The following SLC4A10 variants were observed in gnomAD, a reference collection of about 807,000 sequenced individuals.
The protein encoded by SLC4A10 is sodium-driven chloride bicarbonate exchanger.
In SLC4A10, 42 loss-of-function variants were observed where a neutral mutation model predicts 137.7. The ratio of observed to expected loss-of-function variants is 0.30; its 90% confidence interval spans 0.24 to 0.39. The LOEUF is 0.39. Ranked by LOEUF, SLC4A10 falls within the 10% of genes least tolerant of loss-of-function variation. SLC4A10 has a pLI of 1.00. For synonymous variants in SLC4A10, 474 were observed against 464.1 expected (o/e 1.02, Z -0.27); for missense variants, 925 against 1,355.0 (o/e 0.68, Z 4.98).
intron 1 of SLC4A10, among the ~76,000 whole-genome samples, chr2:161,648,373 A>T (rs2036346965): frequency 6.6e-6 from 1 of 152,210 alleles, no homozygotes; most frequent in South Asian, 2.1e-4. Flanking sequence ...TTGAGTGTTA[A>T]GGACTTGGCT....
intron 15 of SLC4A10, among the ~76,000 whole-genome samples, chr2:161,909,031 A>G (rs1014754393): frequency 3.3e-4 from 45 of 136,734 alleles, no homozygotes; most frequent in African/African-American, 9.1e-4. Flanking sequence ...GAATTGAACA[A>G]TGAGAACACA....
intron 1 of SLC4A10, among the ~76,000 whole-genome samples, chr2:161,741,328 C>T (rs1477155927): frequency 6.7e-6 from 1 of 148,720 alleles, no homozygotes; most frequent in African/African-American, 2.4e-5. Flanking sequence ...TCGAAGGCTC[C>T]GCTAAAAAAA....
At chr2:161,675,887 A>G (rs2040227544) in intron 1 of SLC4A10, among the ~76,000 whole-genome samples, 1 of 152,206 alleles carries the variant, frequency 6.6e-6, no homozygotes, top group Non-Finnish European at 1.5e-5. Flanking sequence ...TTGTTCCTCT[A>G]TGCCTATTTT....
chr2:161,795,251 A>C (rs1482670082), intron 2 of SLC4A10, among the ~76,000 whole-genome samples: 2 of 152,116 alleles, frequency 1.3e-5, no homozygotes, highest in African/African-American at 4.8e-5. Flanking sequence ...AAAAGGCTTT[A>C]GATTCATTTA....
At chr2:161,799,047 A>G (rs989737915) in intron 2 of SLC4A10, among the ~76,000 whole-genome samples, 2 of 151,402 alleles carry the variant, frequency 1.3e-5, no homozygotes, top group African/African-American at 2.4e-5. Flanking sequence ...TTTTCTTTTA[A>G]TGATACTGTT....
chr2:161,910,961 T>C (rs1044101821), intron 15 of SLC4A10, among the ~76,000 whole-genome samples: 1 of 151,946 alleles, frequency 6.6e-6, no homozygotes, highest in Non-Finnish European at 1.5e-5. Context: ...ATTGTAAATA[T>C]GTAAATAAAC....
chr2:161,686,067 A>G (rs1182751641), intron 1 of SLC4A10, among the ~76,000 whole-genome samples: 1 of 152,224 alleles, frequency 6.6e-6, no homozygotes, highest in Non-Finnish European at 1.5e-5. Flanking sequence ...AAAATCAGGT[A>G]GAAGCTGAGT....
chr2:161,707,520 G>A (rs985719284), intron 1 of SLC4A10, among the ~76,000 whole-genome samples: 16 of 150,078 alleles, frequency 1.1e-4, no homozygotes, highest in African/African-American at 3.9e-4. Context: ...TTTGTCACAC[G>A]GTAAAGAGAA....
intron 1 of SLC4A10, among the ~76,000 whole-genome samples, chr2:161,688,814 C>T (rs2041694601): frequency 6.6e-6 from 1 of 151,970 alleles, no homozygotes; most frequent in African/African-American, 2.4e-5. Flanking sequence ...TGGTCATGTG[C>T]CATATAACAA....
rs1295807077 is a variant in SLC4A10 at position 161,659,696 on chromosome 2, ACCTGTAGAAG to A, written c.48+35131_48+35140del. Among the ~76,000 whole-genome samples, 6 of 152,326 alleles carry A rather than the reference ACCTGTAGAAG, an allele frequency of 3.9e-5. No individual in the cohort carries two copies. The East Asian group carries it at 9.6e-4, about 24-fold the overall frequency. On this transcript the variant is annotated intron_variant, in intron 1 of 26. Coordinates refer to ENST00000446997, the MANE Select transcript of SLC4A10 (RefSeq NM_001178015.2). ...AAGGAAAACATATGTCCACAGAAAA[ACCTGTAGAAG>A]AATGTTCATAAGAACATTTATAATA...
At chr2:161,795,228 T>C (rs972386701) in intron 2 of SLC4A10, among the ~76,000 whole-genome samples, 1 of 152,094 alleles carries the variant, frequency 6.6e-6, no homozygotes, top group Non-Finnish European at 1.5e-5. Flanking sequence ...TACTCCAGCT[T>C]GTAGTGCTGT....
At chr2:161,845,289 T>A (rs1176422169) in intron 4 of SLC4A10, among the ~76,000 whole-genome samples, 1 of 152,146 alleles carries the variant, frequency 6.6e-6, no homozygotes, top group African/African-American at 2.4e-5. Flanking sequence ...CATTTAAATA[T>A]CTCTTAAAGA....
At chr2:161,779,172 G>T (rs1458428905) in intron 2 of SLC4A10, among the ~76,000 whole-genome samples, 1 of 151,914 alleles carries the variant, frequency 6.6e-6, no homozygotes, top group African/African-American at 2.4e-5. Context: ...ATAACAACCT[G>T]CTCTTGAGGG....
chr2:161,934,892 T>C (rs2105686309), intron 15 of SLC4A10, among the ~76,000 whole-genome samples: 1 of 152,324 alleles, frequency 6.6e-6, no homozygotes, highest in South Asian at 2.1e-4. Flanking sequence ...AGGTTGTATA[T>C]TCACTCTGCT....
chr2:161,725,501 AG>A (rs2046118254), intron 1 of SLC4A10, among the ~76,000 whole-genome samples: 1 of 152,222 alleles, frequency 6.6e-6, no homozygotes, highest in Non-Finnish European at 1.5e-5. Flanking sequence ...CAGAATGCAA[AG>A]TCAGAATTAT....
Position 161,882,441 on chromosome 2 carries a change from T to G in SLC4A10, c.1191T>G (p.Asp397Glu). The change falls in exon 10 of 27, where the codon GAT (aspartate) becomes GAG (glutamate). Residue 397 changes from aspartate (D) to glutamate (E), a missense_variant. Physicochemically the swap from Asp to Glu is conservative, Grantham distance 45. This residue lies in a region of SLC4A10 where 277 missense variants were observed against 306.1 expected (regional missense o/e 0.90). Coordinates refer to ENST00000446997, the MANE Select transcript of SLC4A10 (RefSeq NM_001178015.2). ...IGRSIATLMTDEVFHDVAYKA... is the reference protein window; with the variant it reads ...IGRSIATLMTEEVFHDVAYKA... ...GATCAATTGCAACCCTAATGACAGA[T>G]GAGGTATTTATTCAAGTTCTTTGGG... 2 of 1,577,752 alleles carry G rather than the reference T, an allele frequency of 1.3e-6. No homozygotes were observed. The highest frequency in any genetic ancestry group is 1.7e-6 in the Non-Finnish European group (2 of 1,161,050).
At chr2:161,681,751 A>G (rs1174159684) in intron 1 of SLC4A10, among the ~76,000 whole-genome samples, 1 of 152,064 alleles carries the variant, frequency 6.6e-6, no homozygotes, top group African/African-American at 2.4e-5. Flanking sequence ...TTCTGATGTG[A>G]TCACTGTGGC....
chr2:161,939,939 T>G (rs903045879), intron 15 of SLC4A10, among the ~76,000 whole-genome samples: 99 of 152,274 alleles, frequency 6.5e-4, no homozygotes, highest in African/African-American at 2.2e-3. Context: ...ATGACATCTA[T>G]AGTACTTTAC....
intron 1 of SLC4A10, among the ~76,000 whole-genome samples, chr2:161,743,558 C>T (rs2048120839): frequency 1.3e-5 from 2 of 151,900 alleles, no homozygotes; most frequent in Non-Finnish European, 1.5e-5. Flanking sequence ...AATGTGATTC[C>T]TCCAGTTTTT....
Sources: allele counts gnomAD v4.1 joint callset (sites outside exome capture counted in the v4.1 genomes callset), GRCh38; gene constraint gnomAD v4.1.1; regional missense constraint gnomAD v4.1.1; transcripts MANE v1.5; gene names NCBI Gene and HGNC (gene_info 2026-07-23, HGNC 2026-07-21).